Variants in RAVER2 observed in about 807,000 individuals in gnomAD.
The protein encoded by RAVER2 is ribonucleoprotein, PTB binding 2.
In RAVER2, 46 loss-of-function variants were observed where a neutral mutation model predicts 78.1. The observed-to-expected ratio is 0.59, with a 90% CI of 0.46 to 0.75. The LOEUF is 0.75. RAVER2 is among the 30% of genes least tolerant of loss of function. The pLI, the probability that RAVER2 is intolerant of heterozygous loss-of-function variation, is 0.00. For synonymous variants in RAVER2, 311 were observed against 313.3 expected (o/e 0.99, Z 0.08); for missense variants, 793 against 837.5 (o/e 0.95, Z 0.66).
exon 3 of RAVER2, chr1:64,777,920 G>T: frequency 3.7e-6 from 6 of 1,614,090 alleles, no homozygotes; most frequent in Non-Finnish European, 5.1e-6. Context: ...GAGCTATTGG[G>T]TAGACAGTTG....
exon 12 of RAVER2, chr1:64,832,472 A>ATGTT (rs1418152197): frequency 6.6e-6 from 1 of 152,386 alleles, no homozygotes; most frequent in East Asian, 1.9e-4. Flanking sequence ...AAGTTTGTTT[A>ATGTT]TGTTATAAGA....
chr1:64,801,602 G>C (rs1570568730), intron 5 of RAVER2, among the ~76,000 whole-genome samples: 1 of 151,176 alleles, frequency 6.6e-6, no homozygotes, highest in East Asian at 2.0e-4. Context: ...GGGCGCGGTG[G>C]CTCACGCCTG....
At position 64,804,316 on chromosome 1, in the gene RAVER2, T is replaced by TA. The variant is rs557125704; in HGVS notation, c.1192-417dup. ...ACCATGTGTAATCCTGTGTTTTTTTTATTAATTAATGGCTCCCTTCCTTAG... is the reference window on the plus strand; with the variant it reads ...ACCATGTGTAATCCTGTGTTTTTTTTAATTAATTAATGGCTCCCTTCCTTAG... On this transcript the variant is annotated intron_variant, in intron 6 of 11. Coordinates refer to ENST00000294428, the Ensembl canonical transcript of RAVER2. 8.5e-5 allele frequency among the ~76,000 whole-genome samples: 13 copies of TA among 152,326 alleles called. No individual in the cohort carries two copies. The South Asian group carries it at 2.7e-3, about 32-fold the overall frequency.
At position 64,745,563 on chromosome 1, in the gene RAVER2, T is replaced by C. The variant is rs988787777; in HGVS notation, c.249+142T>C. On this transcript the variant is annotated intron_variant, in intron 1 of 11. Coordinates refer to ENST00000294428, the Ensembl canonical transcript of RAVER2. This position sits in a 1 kb window ranked among gnomAD's most constrained non-coding sequence, Gnocchi z 4.3. ...GGTGAGAGCGGCCCCTCGGTTTGACTGAGTTCTTGGGGTTTCTAGCCTGCA... is the reference window on the plus strand; with the variant it reads ...GGTGAGAGCGGCCCCTCGGTTTGACCGAGTTCTTGGGGTTTCTAGCCTGCA... The C allele has an allele frequency of 1.1e-4, 123 of 1,159,456 alleles. No individual in the cohort carries two copies. Among genetic ancestry groups the C allele is most frequent in the Middle Eastern group, 3.4e-4 (1 of 2,962 alleles). 71.8% of individuals were successfully genotyped at this position (1,159,456 alleles called of 1,614,324 possible).
chr1:64,745,207 G>A lies in RAVER2; in HGVS notation c.35G>A (p.Gly12Glu). 1 of 1,050,006 alleles carries A rather than the reference G, an allele frequency of 9.5e-7. No homozygotes were observed. The highest frequency in any genetic ancestry group is 1.1e-6 in the Non-Finnish European group (1 of 873,204). 65.0% of individuals were successfully genotyped at this position (1,050,006 alleles called of 1,614,324 possible). The change falls in exon 1 of 12, where the codon GGG becomes GAG. Residue 12 changes from glycine to glutamate, a missense_variant. By Grantham distance (98) the Gly-to-Glu change is moderately conservative. Coordinates refer to ENST00000294428, the Ensembl canonical transcript of RAVER2. This position sits in a 1 kb window ranked among gnomAD's most constrained non-coding sequence, Gnocchi z 4.3. ...GCGGCGGGAGACGGCGGCGGCGAGGGGGGCGCGGGCCTGGGCAGCGCGGCG... is the reference window on the plus strand; with the variant it reads ...GCGGCGGGAGACGGCGGCGGCGAGGAGGGCGCGGGCCTGGGCAGCGCGGCG...
At position 64,799,264 on chromosome 1, in the gene RAVER2, T is replaced by C. The variant is rs1321746973; in HGVS notation, c.1106-3712T>C. 7.9e-5 allele frequency among the ~76,000 whole-genome samples: 12 copies of C among 152,320 alleles called. 1 individual carries two copies. The South Asian group carries it at 8.3e-4, about 11-fold the overall frequency. ...CTGCAAATGACCAGCTTTCCTTTTTTCTTATGGCTGAATAGTATTCCATTG... is the reference window on the plus strand; with the variant it reads ...CTGCAAATGACCAGCTTTCCTTTTTCCTTATGGCTGAATAGTATTCCATTG... On this transcript the variant is annotated intron_variant, in intron 5 of 11. Coordinates refer to ENST00000294428, the Ensembl canonical transcript of RAVER2.
At chr1:64,753,423 C>T (rs933058322) in intron 1 of RAVER2, among the ~76,000 whole-genome samples, 10 of 151,836 alleles carry the variant, frequency 6.6e-5, no homozygotes, top group African/African-American at 1.9e-4. Context: ...CATCTTCAGA[C>T]AGCTTTCTTT....
At chr1:64,772,742 C>T (rs1313865329) in intron 2 of RAVER2, among the ~76,000 whole-genome samples, 2 of 152,034 alleles carry the variant, frequency 1.3e-5, no homozygotes, top group African/African-American at 4.8e-5. Flanking sequence ...ATATGGATAC[C>T]TGAAATAACT....
intron 4 of RAVER2, 33 bp from the exon 5 acceptor site, chr1:64,789,355 T>C (rs1652871872): frequency 1.9e-6 from 3 of 1,556,864 alleles, no homozygotes; most frequent in Non-Finnish European, 2.6e-6. Context: ...ACTTATGCTG[T>C]TCTAATGTTT....
intron 11 of RAVER2, among the ~76,000 whole-genome samples, chr1:64,825,961 C>T (rs190231412): frequency 6.6e-5 from 10 of 152,288 alleles, no homozygotes; most frequent in African/African-American, 1.9e-4. Flanking sequence ...GAAATTCTAA[C>T]GAGAGGGCAG....
chr1:64,758,121 C>T (rs1419743869), intron 1 of RAVER2, among the ~76,000 whole-genome samples: 1 of 152,160 alleles, frequency 6.6e-6, no homozygotes, highest in Non-Finnish European at 1.5e-5. Context: ...GTACAGTGCC[C>T]TCCTCACCAT....
intron 5 of RAVER2, among the ~76,000 whole-genome samples, chr1:64,801,121 T>G (rs960066702): frequency 2.0e-5 from 3 of 150,932 alleles, no homozygotes; most frequent in Non-Finnish European, 4.4e-5. Context: ...TATTTTGAAA[T>G]GGAGTCTCAC....
rs1651504360 is a variant in RAVER2, at chr1:64,745,510, G to A, written c.249+89G>A. The stretch of plus-strand genomic sequence containing the variant: ...GCTGGGATCGGGGGCGCCTCAGAGC[G>A]GTCCTGGGGAGTGGGTCGGCGCCGA... On this transcript the variant is annotated intron_variant, in intron 1 of 11. Transcript: ENST00000294428. This position sits in a 1 kb window ranked among gnomAD's most constrained non-coding sequence, Gnocchi z 4.3. The A allele has an allele frequency of 1.5e-6, 2 of 1,352,624 alleles. No individual in the cohort carries two copies. Among genetic ancestry groups the A allele is most frequent in the Non-Finnish European group, 9.7e-7 (1 of 1,035,224 alleles). The allele number at this position is 1,352,624 out of a possible 1,614,324, so 83.8% of individuals were successfully genotyped here.
intron 5 of RAVER2, among the ~76,000 whole-genome samples, chr1:64,801,418 T>C (rs1020466362): frequency 6.6e-6 from 1 of 151,962 alleles, no homozygotes; most frequent in Non-Finnish European, 1.5e-5. Flanking sequence ...ATATTATGAT[T>C]ATTCCAGTTA....
At position 64,786,387 on chromosome 1, in the gene RAVER2, T is replaced by G. The variant is rs531488119; in HGVS notation, c.979-3001T>G. On this transcript the variant is annotated intron_variant, in intron 4 of 11. Transcript: ENST00000294428. ...CTTCAAAGATCTTATTTTCTTCTCC[T>G]TCAGAGACTTCTAATATTACAAGTG... Among the ~76,000 whole-genome samples, 3 of 152,372 alleles carry G rather than the reference T, an allele frequency of 2.0e-5. No homozygotes were observed. The East Asian group carries it at 5.8e-4, about 29-fold the overall frequency.
At chr1:64,830,737 C>T in intron 11 of RAVER2, 102 bp from the exon 12 acceptor site, 1 of 1,086,550 alleles carries the variant, frequency 9.2e-7, no homozygotes, top group Non-Finnish European at 1.3e-6. Context: ...TCCTGTTATT[C>T]TATATTCACC....
intron 11 of RAVER2, among the ~76,000 whole-genome samples, chr1:64,824,452 C>CTTTT (rs1653961018): frequency 3.9e-5 from 6 of 152,200 alleles, no homozygotes; most frequent in African/African-American, 1.4e-4. Context: ...TTGTATGGAC[C>CTTTT]GTGATAGATC....
At chr1:64,813,387 C>CT (rs936605230) in intron 10 of RAVER2, among the ~76,000 whole-genome samples, 18 of 151,056 alleles carry the variant, frequency 1.2e-4, no homozygotes, top group African/African-American at 3.6e-4. Context: ...TACTGTGCAA[C>CT]TTTTTTTTTA....
chr1:64,764,622 G>A (rs1652122550), intron 1 of RAVER2, among the ~76,000 whole-genome samples: 1 of 152,168 alleles, frequency 6.6e-6, no homozygotes, highest in Non-Finnish European at 1.5e-5. Flanking sequence ...TCATCACACT[G>A]TAGGAGAATA....
Sources: gnomAD v4.1 joint callset for allele counts (sites outside exome capture counted in the v4.1 genomes callset) on GRCh38, gnomAD v4.1.1 for gene constraint, Gnocchi (gnomAD v3.1) non-coding constraint, MANE v1.5 for transcripts, NCBI Gene and HGNC (gene_info 2026-07-23, HGNC 2026-07-21) for gene names.